The following NT5DC3 variants were observed in gnomAD, a reference collection of about 807,000 sequenced individuals.
NT5DC3 encodes 5'-nucleotidase domain-containing protein 3.
NT5DC3 carries 42 observed loss-of-function variants against 67.8 expected under a neutral mutation model. That is an observed-to-expected ratio of 0.62 (90% CI 0.48 to 0.80). NT5DC3 has a LOEUF of 0.80. Ranked by LOEUF, NT5DC3 falls within the 30% of genes least tolerant of loss-of-function variation. NT5DC3 has a pLI of 0.00. For synonymous variants in NT5DC3, 237 were observed against 255.6 expected (o/e 0.93, Z 0.69); for missense variants, 570 against 696.4 (o/e 0.82, Z 2.04).
At chr12:103,765,086 CAAAAAAAAA>C in the NT5DC3 span, among the ~76,000 whole-genome samples, 47 of 66,520 alleles carry the variant, frequency 7.1e-4, no homozygotes, top group African/African-American at 3.1e-3. Flanking sequence ...GACTCTGTCT[CAAAAAAAAA>C]AAAAAAAAAA....
chr12:103,840,255 C>A (rs1258326293), intron 1 of NT5DC3, among the ~76,000 whole-genome samples: 1 of 152,146 alleles, frequency 6.6e-6, no homozygotes, highest in African/African-American at 2.4e-5. Context: ...GAGCCAAGCT[C>A]ATTTTATGTG....
At chr12:103,798,763 A>C (rs1285881239) in intron 4 of NT5DC3, 86 bp from the exon 5 acceptor site, 1 of 950,322 alleles carries the variant, frequency 1.1e-6, no homozygotes, top group Non-Finnish European at 1.7e-6. Context: ...GGATTTTTCA[A>C]TTGAGGTGCA....
chr12:103,796,925 T>G lies in NT5DC3; in HGVS notation c.722A>C (p.Tyr241Ser). Reference sequence around the variant, plus strand: ...ATCTTTGTACAGATGCACAGGCTCATAGTCGATGTTGTTCTTGAGGAAGTA... The same window carrying G: ...ATCTTTGTACAGATGCACAGGCTCAGAGTCGATGTTGTTCTTGAGGAAGTA... ...NEYFLKNNID[Y>S]EPVHLYKDVK... Residue 241 changes from tyrosine (Y) to serine (S), a missense_variant, in exon 6 of 14, where the codon TAT (tyrosine) becomes TCT (serine). Physicochemically the swap from Tyr to Ser is moderately radical, Grantham distance 144 (BLOSUM62 -2). Transcript: ENST00000392876. 6.2e-7 allele frequency: 1 copy of G among 1,614,148 alleles called. No individual in the cohort carries two copies. Among genetic ancestry groups the G allele is most frequent in the Non-Finnish European group, 8.5e-7 (1 of 1,180,002 alleles).
At chr12:103,793,909 T>G (rs777326002) in intron 7 of NT5DC3, 28 bp downstream of exon 7, 14 of 1,578,858 alleles carry the variant, frequency 8.9e-6, no homozygotes, top group Admixed American at 1.7e-5. Context: ...AGGCTGAAAC[T>G]CTCTTCGTGA....
chr12:103,784,757 A>C (rs1321587356), intron 12 of NT5DC3, among the ~76,000 whole-genome samples: 1 of 152,144 alleles, frequency 6.6e-6, no homozygotes, highest in East Asian at 1.9e-4. Flanking sequence ...GACTGATAAA[A>C]CTGCCATTCC....
chr12:103,784,355 G>C (rs1192892216), intron 12 of NT5DC3, among the ~76,000 whole-genome samples: 2 of 152,248 alleles, frequency 1.3e-5, no homozygotes, highest in East Asian at 1.9e-4. Context: ...CAAGGCCCAG[G>C]GGGACGTGCA....
chr12:103,746,847 C>A, the NT5DC3 span: 2 of 729,964 alleles, frequency 2.7e-6, no homozygotes, highest in Non-Finnish European at 4.7e-6. Context: ...GACTCAGTTT[C>A]TTTAATGGGT....
chr12:103,783,267 T>C (rs1250435432), intron 12 of NT5DC3, among the ~76,000 whole-genome samples: 1 of 152,196 alleles, frequency 6.6e-6, no homozygotes, highest in Non-Finnish European at 1.5e-5. Context: ...TATATCCTAG[T>C]GAATCCAACC....
chr12:103,756,910 A>G, the NT5DC3 span, among the ~76,000 whole-genome samples: 2 of 151,554 alleles, frequency 1.3e-5, no homozygotes, highest in Non-Finnish European at 2.9e-5. Flanking sequence ...TTACAACAGC[A>G]TTTCAAAGAA....
chr12:103,756,065 CTGTT>C, the NT5DC3 span, among the ~76,000 whole-genome samples: 2 of 152,044 alleles, frequency 1.3e-5, no homozygotes, highest in South Asian at 2.1e-4. Context: ...ATTATCATCT[CTGTT>C]TGTATGTGGA....
At chr12:103,793,566 G>A in intron 7 of NT5DC3, 54 bp from the exon 8 acceptor site, 2 of 1,305,378 alleles carry the variant, frequency 1.5e-6, no homozygotes, top group Non-Finnish European at 1.1e-6. Context: ...TTGTCAATCT[G>A]CAAGTACTTT....
At chr12:103,821,808 C>T (rs946343411) in intron 1 of NT5DC3, 2 of 152,180 alleles carry the variant, frequency 1.3e-5, no homozygotes, top group African/African-American at 4.8e-5. Flanking sequence ...CCTATGTATA[C>T]TTTAATCCAT....
At chr12:103,798,254 C>A (rs573262594) in intron 5 of NT5DC3, among the ~76,000 whole-genome samples, 1 of 152,304 alleles carries the variant, frequency 6.6e-6, no homozygotes, top group Admixed American at 6.5e-5. Flanking sequence ...TGGCATTTCA[C>A]AGCCATTCGT....
At chr12:103,816,560 A>G (rs540837896) in intron 1 of NT5DC3, among the ~76,000 whole-genome samples, 23 of 152,306 alleles carry the variant, frequency 1.5e-4, no homozygotes, top group Admixed American at 5.2e-4. Flanking sequence ...TTTTTTGAGC[A>G]GTTCTAACTA....
chr12:103,781,997 A>G (rs1411592425), intron 12 of NT5DC3, among the ~76,000 whole-genome samples: 1 of 152,190 alleles, frequency 6.6e-6, no homozygotes, highest in African/African-American at 2.4e-5. Context: ...CCACCGGCCC[A>G]TTTTTCTATC....
chr12:103,805,409 CATTAATTT>C (rs750416031), intron 4 of NT5DC3, among the ~76,000 whole-genome samples: 3 of 152,150 alleles, frequency 2.0e-5, no homozygotes, highest in Non-Finnish European at 4.4e-5. Flanking sequence ...AATAAACAAG[CATTAATTT>C]TAACAAAGTT....
chr12:103,821,267 TG>T (rs1887480213), intron 1 of NT5DC3, among the ~76,000 whole-genome samples: 2 of 152,214 alleles, frequency 1.3e-5, no homozygotes, highest in African/African-American at 4.8e-5. Context: ...GGGATTTTGG[TG>T]TTGCTTGTCA....
the NT5DC3 span, among the ~76,000 whole-genome samples, chr12:103,757,394 G>A: frequency 2.0e-5 from 3 of 152,216 alleles, no homozygotes; most frequent in Non-Finnish European, 4.4e-5. Flanking sequence ...AGCCTGATCA[G>A]TGAATATTTA....
intron 4 of NT5DC3, among the ~76,000 whole-genome samples, chr12:103,799,032 T>C (rs1886445249): frequency 6.6e-6 from 1 of 152,172 alleles, no homozygotes; most frequent in Non-Finnish European, 1.5e-5. Flanking sequence ...AGAAAGGTCA[T>C]GTACCTGTTC....
Sources: gnomAD v4.1 joint callset for allele counts (sites outside exome capture counted in the v4.1 genomes callset) on GRCh38, gnomAD v4.1.1 for gene constraint, MANE v1.5 for transcripts, NCBI Gene and HGNC (gene_info 2026-07-23, HGNC 2026-07-21) for gene names.